Variants in GARIN5A observed in about 807,000 individuals in gnomAD.
GARIN5A encodes the protein Golgi-associated RAB2 interactor protein 5A.
chr19:50,476,398 G>A, the GARIN5A span: 1 of 1,551,200 alleles, frequency 6.4e-7, no homozygotes, highest in Non-Finnish European at 8.7e-7. Context: ...TCCTGCTGAC[G>A]TCAGGCCCCA....
At chr19:50,470,957 G>T in the GARIN5A span, among the ~76,000 whole-genome samples, 1 of 151,682 alleles carries the variant, frequency 6.6e-6, no homozygotes, top group Admixed American at 6.6e-5. Context: ...CCAGCCTGTG[G>T]CTACTGCTTT....
At chr19:50,467,848 C>A in the GARIN5A span, 1 of 1,610,168 alleles carries the variant, frequency 6.2e-7, no homozygotes, top group Non-Finnish European at 8.5e-7. Context: ...GAGGAAGGGG[C>A]GGCCTCAGGT....
At chr19:50,473,698 G>A in the GARIN5A span, among the ~76,000 whole-genome samples, 5,808 of 151,302 alleles carry the variant, frequency 0.038, 286 homozygotes, top group African/African-American at 0.11. Context: ...TCAAAAAAGT[G>A]AAAGCCAGAC....
chr19:50,475,414 C>T, the GARIN5A span: 1 of 1,610,310 alleles, frequency 6.2e-7, no homozygotes, highest in Non-Finnish European at 8.5e-7. Context: ...AGGCTGCCAC[C>T]CCCATGGTGA....
the GARIN5A span, chr19:50,475,554 C>A: frequency 1.7e-6 from 2 of 1,180,650 alleles, no homozygotes; most frequent in Non-Finnish European, 2.4e-6. Context: ...AGGTCATGAA[C>A]CAGGTGAGTT....
chr19:50,475,714 G>A, the GARIN5A span: 1 of 763,814 alleles, frequency 1.3e-6, no homozygotes, highest in Non-Finnish European at 2.2e-6. Flanking sequence ...GATCACATAG[G>A]AGTTGGGAGT....
the GARIN5A span, chr19:50,467,937 C>T: frequency 1.1e-6 from 1 of 928,712 alleles, no homozygotes; most frequent in Non-Finnish European, 1.7e-6. Context: ...CCCACGAATC[C>T]CTTTCCACTT....
the GARIN5A span, among the ~76,000 whole-genome samples, chr19:50,471,838 CTG>C: frequency 2.8e-5 from 4 of 143,426 alleles, no homozygotes; most frequent in Non-Finnish European, 4.4e-5. Flanking sequence ...GCATACATAT[CTG>C]TGTGCATACG....
At chr19:50,471,840 G>T in the GARIN5A span, among the ~76,000 whole-genome samples, 2 of 151,366 alleles carry the variant, frequency 1.3e-5, no homozygotes, top group South Asian at 2.1e-4. Context: ...ATACATATCT[G>T]TGTGCATACG....
At chr19:50,467,519 C>T in the GARIN5A span, 2 of 1,359,448 alleles carry the variant, frequency 1.5e-6, no homozygotes, top group Non-Finnish European at 2.0e-6. Flanking sequence ...TCCCCTCTGC[C>T]CTCTGCTGCC....
the GARIN5A span, chr19:50,475,751 G>T: frequency 1.0e-6 from 1 of 1,004,614 alleles, no homozygotes; most frequent in Non-Finnish European, 1.6e-6. Context: ...TGGACGTTAT[G>T]GGGGAGCAGG....
At chr19:50,475,865 C>A in the GARIN5A span, 2 of 1,613,812 alleles carry the variant, frequency 1.2e-6, no homozygotes, top group East Asian at 2.2e-5. Flanking sequence ...ATGGGGAAGT[C>A]CCGAAACTGG....
chr19:50,467,515 C>T, the GARIN5A span: 11 of 1,326,096 alleles, frequency 8.3e-6, no homozygotes, highest in Non-Finnish European at 1.1e-5. Flanking sequence ...CACCTCCCCT[C>T]TGCCCTCTGC....
the GARIN5A span, chr19:50,476,580 C>T: frequency 1.3e-6 from 2 of 1,575,798 alleles, no homozygotes; most frequent in South Asian, 1.1e-5. Flanking sequence ...CCCGGCTGCT[C>T]CTGCTCTTGC....
chr19:50,471,927 C>T, the GARIN5A span, among the ~76,000 whole-genome samples: 1 of 149,548 alleles, frequency 6.7e-6, no homozygotes, highest in African/African-American at 2.5e-5. Flanking sequence ...TGTGTATATA[C>T]ATGTATGTGT....
At chr19:50,472,252 C>A in the GARIN5A span, among the ~76,000 whole-genome samples, 2 of 95,760 alleles carry the variant, frequency 2.1e-5, no homozygotes, top group Non-Finnish European at 3.8e-5. Context: ...ATTATATATA[C>A]ATGTATGTGT....
At chr19:50,476,411 T>G in the GARIN5A span, 2 of 1,545,534 alleles carry the variant, frequency 1.3e-6, no homozygotes, top group South Asian at 2.4e-5. Context: ...AGGCCCCAGG[T>G]GCGGACGGGT....
At chr19:50,472,193 T>C in the GARIN5A span, among the ~76,000 whole-genome samples, 1 of 151,150 alleles carries the variant, frequency 6.6e-6, no homozygotes, top group East Asian at 1.9e-4. Context: ...TATACATGTA[T>C]GTGTGCATGT....
chr19:50,471,642 ATATACGCATACATGCACGTGTGTG>A, the GARIN5A span, among the ~76,000 whole-genome samples: 11,913 of 108,092 alleles, frequency 0.11, 3,237 homozygotes, highest in Middle Eastern at 0.17. Flanking sequence ...ACATGTGTGT[ATATACGCATACATGCACGTGTGTG>A]TATACGCATA....
Sources: gnomAD v4.1 joint callset for allele counts (sites outside exome capture counted in the v4.1 genomes callset) on GRCh38, gnomAD v4.1.1 for gene constraint, MANE v1.5 for transcripts, NCBI Gene and HGNC (gene_info 2026-07-23, HGNC 2026-07-21) for gene names.